ALMS1: variants seen among roughly 807,000 people sequenced by gnomAD.
ALMS1 encodes the protein centrosome-associated protein ALMS1.
ALMS1 carries 271 observed loss-of-function variants against 352.2 expected under a neutral mutation model. The ratio of observed to expected loss-of-function variants is 0.77; its 90% CI spans 0.70 to 0.85. The LOEUF is 0.85. ALMS1 is among the 40% of genes least tolerant of loss of function. ALMS1 has a pLI of 0.00. For missense variants in ALMS1, 5,445 were observed against 4,870.7 expected (o/e 1.12, Z -3.51); for synonymous variants, 1,865 against 1,761.2 (o/e 1.06, Z -1.48).
rs184797256 is a variant in ALMS1 at position 73,466,984 on chromosome 2, A to G, written c.7674+11689A>G. On this transcript the variant is annotated intron_variant, in intron 9 of 22. Transcript: ENST00000613296. ...AATTTCTATAATAACCCTGTCCCCT[A>G]CATCATACCTTACTACAAAATTAAT... Among the ~76,000 whole-genome samples, 69 of 152,282 alleles carry G rather than the reference A, an allele frequency of 4.5e-4. 1 individual carries two copies. In the East Asian group the frequency reaches 0.012, roughly 27 times the overall value.
At chr2:73,426,995 TTA>T (rs1671394314) in intron 6 of ALMS1, among the ~76,000 whole-genome samples, 1 of 152,214 alleles carries the variant, frequency 6.6e-6, no homozygotes, top group African/African-American at 2.4e-5. Context: ...AAAGAAATGT[TTA>T]TGTTTCATAG....
intron 1 of ALMS1, among the ~76,000 whole-genome samples, chr2:73,400,848 C>T (rs1423379601): frequency 6.6e-6 from 1 of 152,084 alleles, no homozygotes; most frequent in East Asian, 1.9e-4. Flanking sequence ...AGTGCAATGG[C>T]GCAGTCTCCC....
intron 3 of ALMS1, among the ~76,000 whole-genome samples, chr2:73,420,157 A>G (rs542507309): frequency 3.0e-4 from 46 of 152,346 alleles, no homozygotes; most frequent in African/African-American, 1.1e-3. Flanking sequence ...TATGCTAAAA[A>G]GGAAGCAACT....
chr2:73,393,262 C>T (rs745773571), intron 1 of ALMS1, among the ~76,000 whole-genome samples: 10 of 152,028 alleles, frequency 6.6e-5, no homozygotes, highest in Non-Finnish European at 1.0e-4. Flanking sequence ...TGAGGACCTA[C>T]TATGTTTTCT....
In ALMS1 at chr2:73,455,262, A is replaced by T. The variant is rs1672035919; in HGVS notation, c.7641A>T (p.Leu2547Phe). ...AAGTAGAAGAGATCAAGGCAGAGTT[A>T]TTTGGTCATGGAAGAACAACTGACT... Reference protein sequence around the residue: ...RRKVEEIKAELFGHGRTTDLS... With the variant: ...RRKVEEIKAEFFGHGRTTDLS... Residue 2547 changes from leucine (L) to phenylalanine (F), a missense_variant, in exon 9 of 23, where the codon TTA (leucine) becomes TTT (phenylalanine). Coordinates refer to ENST00000613296, the MANE Select transcript of ALMS1 (RefSeq NM_001378454.1). 6.2e-7 allele frequency: 1 copy of T among 1,614,146 alleles called. No homozygotes were observed. The highest frequency in any genetic ancestry group is 8.5e-7 in the Non-Finnish European group (1 of 1,179,988).
chr2:73,404,123 T>A (rs778986281), intron 1 of ALMS1, among the ~76,000 whole-genome samples: 4 of 152,200 alleles, frequency 2.6e-5, no homozygotes, highest in Non-Finnish European at 5.9e-5. Context: ...GGTCTCAAAC[T>A]CCTGACCTCA....
At chr2:73,512,195 C>T (rs1345699188) in intron 10 of ALMS1, among the ~76,000 whole-genome samples, 1 of 152,162 alleles carries the variant, frequency 6.6e-6, no homozygotes, top group African/African-American at 2.4e-5. Flanking sequence ...AGCGATTCTC[C>T]TGCCTCAGCC....
chr2:73,480,659 C>G (rs1672680404), intron 9 of ALMS1, among the ~76,000 whole-genome samples: 1 of 151,244 alleles, frequency 6.6e-6, no homozygotes, highest in East Asian at 1.9e-4. Context: ...ACATTGACTT[C>G]CACAATGGTT....
At chr2:73,493,352 C>T (rs1673031665) in intron 10 of ALMS1, among the ~76,000 whole-genome samples, 1 of 150,432 alleles carries the variant, frequency 6.6e-6, no homozygotes, top group Non-Finnish European at 1.5e-5. Context: ...AAACTACACA[C>T]ACACACACAC....
chr2:73,464,704 C>T (rs978243959), intron 9 of ALMS1, among the ~76,000 whole-genome samples: 2 of 152,284 alleles, frequency 1.3e-5, no homozygotes, highest in African/African-American at 4.8e-5. Context: ...ACCCCGTTGT[C>T]TCAGCCCAAA....
intron 2 of ALMS1, among the ~76,000 whole-genome samples, chr2:73,417,757 C>G (rs1671204944): frequency 2.0e-5 from 3 of 152,036 alleles, no homozygotes; most frequent in Non-Finnish European, 4.4e-5. Flanking sequence ...GTGTTCATTT[C>G]TAATCAAATT....
Position 73,534,811 on chromosome 2 carries a change from T to G in ALMS1, c.9782-13T>G, listed in dbSNP as rs530508947. On this transcript the variant is annotated splice_polypyrimidine_tract_variant and intron_variant, in intron 11 of 22. Transcript: ENST00000613296. ...GTTTTTCATATTAATTGTTCTGATT[T>G]TTACCTCCTTAGGCCAGCCTTTATT... 2.9e-5 allele frequency: 46 copies of G among 1,612,560 alleles called. 2 individuals are homozygous for G. Among genetic ancestry groups the G allele is most frequent in the African/African-American group, 2.5e-4 (19 of 74,996 alleles).
At chr2:73,595,747 G>A (rs1330092937) in intron 16 of ALMS1, among the ~76,000 whole-genome samples, 3 of 152,080 alleles carry the variant, frequency 2.0e-5, no homozygotes, top group Admixed American at 6.5e-5. Context: ...TTACATTCTC[G>A]CCTGCAATGT....
chr2:73,587,418 A>G (rs777602857), intron 16 of ALMS1, among the ~76,000 whole-genome samples: 10 of 152,250 alleles, frequency 6.6e-5, no homozygotes, highest in Non-Finnish European at 1.2e-4. Flanking sequence ...TGGGTTTGCC[A>G]TAGATGGCTT....
rs989480738 is a variant in ALMS1 at position 73,419,683 on chromosome 2, A to G, written c.646+365A>G. Among the ~76,000 whole-genome samples, 17 of 152,190 alleles carry G rather than the reference A, an allele frequency of 1.1e-4. 1 individual carries two copies. The highest frequency in any genetic ancestry group is 2.0e-4 in the Admixed American group (3 of 15,278). ...ATCCCCCACAAAAAACAAAAAACAA[A>G]TGTTCATATTTACCTTTTTGATTTT... On this transcript the variant is annotated intron_variant, in intron 3 of 22. Coordinates refer to ENST00000613296, the MANE Select transcript of ALMS1 (RefSeq NM_001378454.1).
chr2:73,538,892 C>T (rs960912522), intron 12 of ALMS1, among the ~76,000 whole-genome samples: 3 of 152,196 alleles, frequency 2.0e-5, no homozygotes, highest in Admixed American at 2.0e-4. Flanking sequence ...CCGGGAAGCT[C>T]GAACTGGGTG....
intron 12 of ALMS1, among the ~76,000 whole-genome samples, chr2:73,538,394 A>C (rs935564931): frequency 6.6e-6 from 1 of 152,174 alleles, no homozygotes; most frequent in Non-Finnish European, 1.5e-5. Flanking sequence ...TATTTTAAAA[A>C]ATAAGCGGAG....
At chr2:73,390,834 G>C (rs538198661) in intron 1 of ALMS1, among the ~76,000 whole-genome samples, 1 of 151,320 alleles carries the variant, frequency 6.6e-6, no homozygotes, top group African/African-American at 2.4e-5. Flanking sequence ...GCAGTGGCCC[G>C]ATCTTGGCTA....
At chr2:73,489,502 A>G (rs1267920779) in intron 9 of ALMS1, 132 bp from the exon 10 acceptor site, 9 of 1,030,354 alleles carry the variant, frequency 8.7e-6, no homozygotes, top group African/African-American at 4.8e-5. Flanking sequence ...TTGTCCTGTT[A>G]TATTATAAAA....
Sources: allele counts gnomAD v4.1 joint callset (sites outside exome capture counted in the v4.1 genomes callset), GRCh38; gene constraint gnomAD v4.1.1; transcripts MANE v1.5; gene names NCBI Gene and HGNC (gene_info 2026-07-23, HGNC 2026-07-21).